Variants in TMTC4 observed in about 807,000 individuals in gnomAD.
The protein encoded by TMTC4 is transmembrane O-mannosyltransferase targeting cadherins 4, also known as protein O-mannosyl-transferase TMTC4.
TMTC4 carries 65 observed loss-of-function variants against 86.0 expected under a neutral mutation model. The observed-to-expected ratio is 0.76, with a 90% confidence interval of 0.62 to 0.93. TMTC4 has a LOEUF of 0.93. Ranked by LOEUF, TMTC4 falls within the 40% of genes least tolerant of loss-of-function variation. The pLI, the probability that TMTC4 is intolerant of heterozygous loss-of-function variation, is 0.00. For missense variants in TMTC4, 866 were observed against 948.1 expected (o/e 0.91, Z 1.14); for synonymous variants, 379 against 382.5 (o/e 0.99, Z 0.11).
At chr13:100,638,073 G>A (rs762203019) in intron 7 of TMTC4, 51 bp from the exon 8 acceptor site, 1 of 1,435,416 alleles carries the variant, frequency 7.0e-7, no homozygotes, top group Non-Finnish European at 9.8e-7. Context: ...GGCTGTGTTA[G>A]GCAGCAATTA....
intron 15 of TMTC4, among the ~76,000 whole-genome samples, chr13:100,620,404 C>T (rs1566572612): frequency 1.3e-5 from 2 of 152,176 alleles, no homozygotes; most frequent in Non-Finnish European, 2.9e-5. Flanking sequence ...GCTCTTGAGG[C>T]TGTGGTAGCT....
intron 15 of TMTC4, among the ~76,000 whole-genome samples, chr13:100,619,325 GCAGA>G (rs1477701613): frequency 1.0e-5 from 1 of 95,480 alleles, no homozygotes; most frequent in African/African-American, 4.2e-5. Context: ...GTTAATAAAA[GCAGA>G]CACACACACA....
intron 3 of TMTC4, among the ~76,000 whole-genome samples, chr13:100,667,734 T>C (rs1290914594): frequency 1.3e-5 from 2 of 152,188 alleles, no homozygotes; most frequent in African/African-American, 2.4e-5. Context: ...CTAAGTCTTC[T>C]TCACTGGCTA....
At chr13:100,641,737 T>G (rs1025464001) in intron 7 of TMTC4, among the ~76,000 whole-genome samples, 2 of 152,330 alleles carry the variant, frequency 1.3e-5, no homozygotes, top group African/African-American at 4.8e-5. Context: ...TCTGCCCGCC[T>G]TGGCCTCCCA....
chr13:100,615,195 T>C (rs975804347), intron 15 of TMTC4, among the ~76,000 whole-genome samples: 10 of 152,286 alleles, frequency 6.6e-5, no homozygotes, highest in Non-Finnish European at 1.5e-4. Flanking sequence ...TGGAGTGCAA[T>C]GGCGCGATCT....
At chr13:100,609,365 G>T (rs556064879) in intron 17 of TMTC4, among the ~76,000 whole-genome samples, 1 of 152,134 alleles carries the variant, frequency 6.6e-6, no homozygotes, top group African/African-American at 2.4e-5. Context: ...AAAATGTCAA[G>T]TAAATAAGGT....
Position 100,605,016 on chromosome 13 carries a change from A to C in TMTC4, c.2261T>G (p.Leu754Arg), listed in dbSNP as rs1876353030. ...GGATCAGACAGCTTTCTTTTGCATT[A>C]GTTCTAGCTTTCTTCTCAGCAGACC... ...NYGLLRRKLE[L>R]MQKKAV The change falls in exon 19 of 19, where the codon CTA becomes CGA. Residue 754 changes from leucine to arginine, a missense_variant. Leu to Arg is a moderately radical substitution (Grantham distance 102). Coordinates refer to ENST00000342624, the MANE Select transcript of TMTC4 (RefSeq NM_032813.5). This position sits in a 1 kb window ranked among gnomAD's most constrained non-coding sequence, Gnocchi z 4.3. 6 of 1,613,678 alleles carry C rather than the reference A, an allele frequency of 3.7e-6. No individual in the cohort carries two copies. The highest frequency in any genetic ancestry group is 5.1e-6 in the Non-Finnish European group (6 of 1,179,898).
intron 12 of TMTC4, among the ~76,000 whole-genome samples, chr13:100,632,051 A>ACTCT (rs1368407089): frequency 1.4e-3 from 39 of 28,582 alleles, no homozygotes; most frequent in Admixed American, 2.1e-3. Flanking sequence ...ACACACACAC[A>ACTCT]CACTCTCTCT....
At chr13:100,606,753 C>T (rs979377110) in intron 17 of TMTC4, among the ~76,000 whole-genome samples, 1 of 152,196 alleles carries the variant, frequency 6.6e-6, no homozygotes, top group Non-Finnish European at 1.5e-5. Flanking sequence ...GCCCAGGGAA[C>T]AGGAGAAGGC....
At chr13:100,611,717 A>G (rs572191265) in intron 17 of TMTC4, among the ~76,000 whole-genome samples, 1 of 152,348 alleles carries the variant, frequency 6.6e-6, no homozygotes, top group Admixed American at 6.5e-5. Context: ...TGATTCTGAT[A>G]GACAAAATTA....
At chr13:100,622,426 G>T (rs1879656987) in intron 15 of TMTC4, among the ~76,000 whole-genome samples, 1 of 152,176 alleles carries the variant, frequency 6.6e-6, no homozygotes, top group Admixed American at 6.5e-5. Context: ...ATCTTGAATT[G>T]TAGCTCCCAT....
intron 6 of TMTC4, among the ~76,000 whole-genome samples, chr13:100,648,050 G>A (rs982174846): frequency 1.3e-5 from 2 of 152,182 alleles, no homozygotes; most frequent in African/African-American, 4.8e-5. Flanking sequence ...CACCCAGCAT[G>A]AAAAGATATG....
rs1197599923 is a variant in TMTC4 at position 100,670,508 on chromosome 13, A to G, written c.-146T>C. 2.8e-5 allele frequency: 19 copies of G among 677,882 alleles called. No homozygotes were observed. The African/African-American group carries it at 3.0e-4, about 11-fold the overall frequency. 42.0% of individuals were successfully genotyped at this position (677,882 alleles called of 1,614,324 possible). ...CATGCTCTCAGCAAGTGCTGGGGGA[A>G]TACTGCAGCTACTTTTCTTTTCCAG... On this transcript the variant is annotated 5_prime_UTR_variant, in exon 2 of 19. Transcript: ENST00000342624.
At chr13:100,614,589 AAC>A (rs1272891521) in intron 15 of TMTC4, among the ~76,000 whole-genome samples, 159 bp from the exon 16 acceptor site, 1 of 152,102 alleles carries the variant, frequency 6.6e-6, no homozygotes, top group Non-Finnish European at 1.5e-5. Flanking sequence ...TTTTCATATC[AAC>A]TCATTTAATC....
At chr13:100,614,893 T>C (rs1490777268) in intron 15 of TMTC4, 1 of 984,652 alleles carries the variant, frequency 1.0e-6, no homozygotes, top group Non-Finnish European at 1.2e-6. Flanking sequence ...GTGAACAAAG[T>C]ATTTCTCATG....
chr13:100,632,043 ACACACACACACTCT>A (rs1231401179), intron 12 of TMTC4, among the ~76,000 whole-genome samples: 11 of 67,722 alleles, frequency 1.6e-4, no homozygotes, highest in Admixed American at 4.1e-4. Context: ...ACACACACAC[ACACACACACACTCT>A]CTCTCTCTCT....
At chr13:100,619,408 C>T (rs1358624493) in intron 15 of TMTC4, among the ~76,000 whole-genome samples, 1 of 151,526 alleles carries the variant, frequency 6.6e-6, no homozygotes, top group African/African-American at 2.4e-5. Flanking sequence ...ACCCTGTTGC[C>T]CTCTTATCTC....
chr13:100,671,890 A>G (rs1887151563), intron 1 of TMTC4, among the ~76,000 whole-genome samples: 1 of 152,146 alleles, frequency 6.6e-6, no homozygotes, highest in Non-Finnish European at 1.5e-5. Context: ...AAAAAAAAAA[A>G]AAAAGCTACA....
intron 15 of TMTC4, chr13:100,614,867 A>C: frequency 7.3e-6 from 7 of 955,120 alleles, no homozygotes; most frequent in Non-Finnish European, 8.7e-6. Context: ...TTGTTGATAA[A>C]GTATTACTTA....
Sources: allele counts gnomAD v4.1 joint callset (sites outside exome capture counted in the v4.1 genomes callset), GRCh38; gene constraint gnomAD v4.1.1; non-coding constraint Gnocchi (gnomAD v3.1); transcripts MANE v1.5; gene names NCBI Gene and HGNC (gene_info 2026-07-23, HGNC 2026-07-21).